GTF2H1: variants seen among roughly 807,000 people sequenced by gnomAD.
GTF2H1 encodes BTF2 p62.
In GTF2H1, 16 loss-of-function variants were observed where a neutral mutation model predicts 71.2. The observed-to-expected ratio is 0.22, with a 90% CI of 0.15 to 0.34. GTF2H1 has a LOEUF of 0.34. Among genes scored for constraint, GTF2H1 ranks in the 10% least tolerant of loss-of-function variants. The pLI is 1.00. For synonymous variants in GTF2H1, 215 were observed against 219.0 expected, an observed-to-expected ratio of 0.98 and a Z score of 0.16; for missense variants, 498 against 648.2, an observed-to-expected ratio of 0.77 and a Z score of 2.52.
At chr11:18,348,650 A>G (rs932113778) in intron 9 of GTF2H1, 1 of 152,226 alleles carries the variant, frequency 6.6e-6, no homozygotes, top group Non-Finnish European at 1.5e-5. Context: ...GCATTAATAC[A>G]ATAGAGATTG....
intron 9 of GTF2H1, 131 bp downstream of exon 9, chr11:18,348,050 A>AGT: frequency 1.4e-6 from 1 of 731,458 alleles, no homozygotes. Flanking sequence ...TTTGGCTTAA[A>AGT]GTGTATAGCA....
At chr11:18,336,873 G>C (rs976559331) in intron 3 of GTF2H1, among the ~76,000 whole-genome samples, 1 of 151,702 alleles carries the variant, frequency 6.6e-6, no homozygotes, top group African/African-American at 2.4e-5. Flanking sequence ...TCCTGCCTCA[G>C]CCTCCCAAGT....
chr11:18,363,935 G>A (rs760721020), intron 14 of GTF2H1, among the ~76,000 whole-genome samples: 4 of 152,092 alleles, frequency 2.6e-5, no homozygotes, highest in Admixed American at 1.3e-4. Flanking sequence ...TTAGCCGGGC[G>A]TTGTGGCAAG....
chr11:18,334,762 T>A (rs1222666238), intron 2 of GTF2H1, among the ~76,000 whole-genome samples: 5 of 152,234 alleles, frequency 3.3e-5, no homozygotes, highest in Non-Finnish European at 1.5e-5. Context: ...AATGATACAG[T>A]GAAAACCTAC....
At chr11:18,330,151 T>C (rs1001484627) in intron 1 of GTF2H1, among the ~76,000 whole-genome samples, 2 of 152,234 alleles carry the variant, frequency 1.3e-5, no homozygotes, top group African/African-American at 4.8e-5. Context: ...ATATCTTAGT[T>C]TTTTAAAATG....
intron 1 of GTF2H1, chr11:18,332,660 C>T (rs1432947751): frequency 1.3e-5 from 2 of 153,328 alleles, no homozygotes; most frequent in Non-Finnish European, 2.9e-5. Flanking sequence ...ACATATCTTG[C>T]AGACTTTAGT....
intron 9 of GTF2H1, chr11:18,351,662 A>G (rs562244834): frequency 5.0e-5 from 16 of 321,530 alleles, no homozygotes; most frequent in South Asian, 3.8e-4. Context: ...AAAAAGTTCA[A>G]TAATACTTCA....
chr11:18,340,074 C>T (rs1590187511), intron 5 of GTF2H1, among the ~76,000 whole-genome samples: 1 of 152,132 alleles, frequency 6.6e-6, no homozygotes, highest in Non-Finnish European at 1.5e-5. Context: ...ATTCTGTTCT[C>T]GCTTCCCTCT....
At chr11:18,359,979 C>A (rs1865658294) in intron 13 of GTF2H1, among the ~76,000 whole-genome samples, 1 of 151,776 alleles carries the variant, frequency 6.6e-6, no homozygotes, top group South Asian at 2.1e-4. Flanking sequence ...AAAAGTAGCT[C>A]AGGTGATCAC....
chr11:18,338,085 T>C, intron 3 of GTF2H1, 24 bp from the exon 4 acceptor site: 2 of 1,546,370 alleles, frequency 1.3e-6, no homozygotes, highest in Non-Finnish European at 1.8e-6. Context: ...AGTTCAGTTA[T>C]ATTCAGTATA....
chr11:18,348,637 G>A (rs1865354345), intron 9 of GTF2H1: 1 of 152,122 alleles, frequency 6.6e-6, no homozygotes, highest in African/African-American at 2.4e-5. Flanking sequence ...TGTTATCTGT[G>A]TTGCATTAAT....
At chr11:18,348,020 TCTAA>T (rs1353708258) in intron 9 of GTF2H1, 101 bp downstream of exon 9, 16 of 802,176 alleles carry the variant, frequency 2.0e-5, no homozygotes, top group South Asian at 7.2e-5. Flanking sequence ...ACTCAGTTCT[TCTAA>T]CTAAGATGTT....
chr11:18,351,830 G>T (rs1186885331), intron 9 of GTF2H1, 51 bp from the exon 10 acceptor site: 1 of 968,438 alleles, frequency 1.0e-6, no homozygotes, highest in Non-Finnish European at 1.7e-6. Flanking sequence ...CATGTTTATT[G>T]TGTAAGAGAA....
chr11:18,327,614 C>G (rs546439818), intron 1 of GTF2H1, among the ~76,000 whole-genome samples: 39 of 152,278 alleles, frequency 2.6e-4, no homozygotes, highest in African/African-American at 9.1e-4. Context: ...TCAGCAAATT[C>G]TAGATGATGG....
chr11:18,333,330 T>C (rs4150561), intron 2 of GTF2H1, 102 bp downstream of exon 2: 590,725 of 823,932 alleles, frequency 0.72, 214,413 homozygotes, highest in East Asian at 0.96. Flanking sequence ...AAAAATCAAC[T>C]ATGTAGAAAT....
Position 18,360,696 on chromosome 11 carries a change from T to G in GTF2H1, c.1549T>G (p.Leu517Val), listed in dbSNP as rs4150665. ...PFQEKIRRQYLSTNLVSHIEE... is the reference protein window; with the variant it reads ...PFQEKIRRQYVSTNLVSHIEE... The stretch of plus-strand genomic sequence containing the variant: ...CCAAGAAAAGATTCGGAGACAGTAT[T>G]TAAGCACAAATGTAAGGCAGCAATC... The change falls in exon 14 of 15, where the codon TTA becomes GTA. Residue 517 changes from leucine (L) to valine (V), a missense_variant. Coordinates refer to ENST00000265963, the MANE Select transcript of GTF2H1 (RefSeq NM_005316.4). 18 of 1,547,144 alleles carry G rather than the reference T, an allele frequency of 1.2e-5. No individual in the cohort carries two copies. In the African/African-American group the frequency reaches 2.5e-4, roughly 22 times the overall value.
chr11:18,351,803 A>G (rs1201637574), intron 9 of GTF2H1, 78 bp from the exon 10 acceptor site: 6 of 758,504 alleles, frequency 7.9e-6, no homozygotes, highest in East Asian at 2.5e-5. Context: ...CCCTCTGTAC[A>G]GTTTTGTTTT....
At chr11:18,353,692 C>G (rs1216712063) in intron 11 of GTF2H1, among the ~76,000 whole-genome samples, 1 of 152,108 alleles carries the variant, frequency 6.6e-6, no homozygotes, top group Non-Finnish European at 1.5e-5. Flanking sequence ...ACCTATATTA[C>G]GTTATTTATC....
intron 1 of GTF2H1, chr11:18,324,295 T>G (rs1225068914): frequency 1.3e-5 from 2 of 152,140 alleles, no homozygotes; most frequent in African/African-American, 4.8e-5. Flanking sequence ...TGCAACAGAT[T>G]GGTAAGTTTG....
Sources: allele counts gnomAD v4.1 joint callset (sites outside exome capture counted in the v4.1 genomes callset), GRCh38; gene constraint gnomAD v4.1.1; transcripts MANE v1.5; gene names NCBI Gene and HGNC (gene_info 2026-07-23, HGNC 2026-07-21).